FSD1L: variants seen among roughly 807,000 people sequenced by gnomAD.
FSD1L encodes fibronectin type III and SPRY domain containing 1 like, also known as FSD1-like protein.
FSD1L carries 45 observed loss-of-function variants against 71.6 expected under a neutral mutation model. That is an observed-to-expected ratio of 0.63 (90% confidence interval 0.49 to 0.81). FSD1L has a LOEUF of 0.81. FSD1L is among the 30% of genes least tolerant of loss of function. The probability of loss-of-function intolerance (pLI) is 0.00; values close to 1 mark genes in which losing one functional copy is unlikely to be tolerated. For synonymous variants in FSD1L, 197 were observed against 207.2 expected (o/e 0.95, Z 0.42); for missense variants, 561 against 618.1 (o/e 0.91, Z 0.98).
intron 10 of FSD1L, among the ~76,000 whole-genome samples, chr9:105,527,207 G>T (rs2131449184): frequency 7.0e-6 from 1 of 143,750 alleles, no homozygotes; most frequent in Admixed American, 7.1e-5. Context: ...TTTTTCTAAT[G>T]TTTTGCATTT....
chr9:105,523,134 A>G, intron 10 of FSD1L: 3 of 1,613,662 alleles, frequency 1.9e-6, no homozygotes, highest in South Asian at 2.2e-5. Flanking sequence ...TAGTCTAACT[A>G]CTCTTCATAT....
intron 1 of FSD1L, among the ~76,000 whole-genome samples, chr9:105,452,685 T>G (rs990650203): frequency 6.5e-4 from 91 of 139,614 alleles, no homozygotes; most frequent in African/African-American, 2.4e-3. Flanking sequence ...CTTCCTTCCT[T>G]CCTTCCTTCC....
chr9:105,477,103 A>G (rs1415457458), intron 5 of FSD1L, among the ~76,000 whole-genome samples: 1 of 152,200 alleles, frequency 6.6e-6, no homozygotes, highest in Non-Finnish European at 1.5e-5. Context: ...GCATGCATGC[A>G]TATGTGCACA....
intron 10 of FSD1L, chr9:105,521,407 G>A (rs1835144439): frequency 1.9e-6 from 3 of 1,614,158 alleles, no homozygotes; most frequent in Non-Finnish European, 2.5e-6. Context: ...AGTCTCTGTA[G>A]TATTGATGAA....
chr9:105,530,152 C>G (rs1299931331), intron 10 of FSD1L, among the ~76,000 whole-genome samples: 1 of 152,110 alleles, frequency 6.6e-6, no homozygotes, highest in Non-Finnish European at 1.5e-5. Flanking sequence ...TCAGAGTAAG[C>G]TTTATCTTGT....
chr9:105,522,481 C>T (rs1835233950), intron 10 of FSD1L: 2 of 1,613,726 alleles, frequency 1.2e-6, no homozygotes, highest in Non-Finnish European at 1.7e-6. Context: ...TCTCCAGGAA[C>T]CGAAAAGGCG....
At chr9:105,540,008 A>G (rs1369873966) in intron 13 of FSD1L, among the ~76,000 whole-genome samples, 3 of 152,090 alleles carry the variant, frequency 2.0e-5, no homozygotes, top group Admixed American at 6.6e-5. Context: ...GTATATACCT[A>G]TGATTGGGGT....
intron 4 of FSD1L, 33 bp from the exon 5 acceptor site, chr9:105,471,871 T>G: frequency 1.1e-6 from 1 of 919,090 alleles, no homozygotes; most frequent in Non-Finnish European, 1.6e-6. Context: ...AAACTTCATT[T>G]TAATGACTTA....
At chr9:105,481,176 T>TGTGTGTGTGTGTGTGTGG (rs1454412244) in intron 6 of FSD1L, among the ~76,000 whole-genome samples, 10 of 123,110 alleles carry the variant, frequency 8.1e-5, no homozygotes, top group East Asian at 5.1e-4. Context: ...TGTGTGTGTG[T>TGTGTGTGTGTGTGTGTGG]GTGGTTCTTT....
chr9:105,485,364 C>T (rs1832468588), intron 7 of FSD1L, among the ~76,000 whole-genome samples: 1 of 152,098 alleles, frequency 6.6e-6, no homozygotes, highest in African/African-American at 2.4e-5. Flanking sequence ...TAAGAACCTT[C>T]TTTCACAAGA....
chr9:105,489,498 G>GT (rs1832775717), intron 7 of FSD1L, among the ~76,000 whole-genome samples: 1 of 151,148 alleles, frequency 6.6e-6, no homozygotes, highest in African/African-American at 2.5e-5. Context: ...GCAGTTTTAT[G>GT]TTTTTTTATT....
intron 7 of FSD1L, among the ~76,000 whole-genome samples, chr9:105,490,989 G>C (rs1420888198): frequency 6.6e-6 from 1 of 150,886 alleles, no homozygotes; most frequent in Non-Finnish European, 1.5e-5. Context: ...GGCGATGTGG[G>C]CTCTTTTTTG....
intron 10 of FSD1L, chr9:105,522,437 C>T: frequency 1.2e-6 from 2 of 1,613,558 alleles, no homozygotes; most frequent in African/African-American, 2.7e-5. Flanking sequence ...CTGGCCAAGC[C>T]CCAATGAGAC....
chr9:105,458,157 G>T (rs1248080712), intron 1 of FSD1L, among the ~76,000 whole-genome samples: 1 of 152,184 alleles, frequency 6.6e-6, no homozygotes, highest in Non-Finnish European at 1.5e-5. Flanking sequence ...GCTGTCATGT[G>T]GGGCAGCCGC....
chr9:105,504,300 C>T (rs1317657838), intron 7 of FSD1L, among the ~76,000 whole-genome samples: 1 of 152,170 alleles, frequency 6.6e-6, no homozygotes. Flanking sequence ...GAAGGAAACT[C>T]ATGGTTATGA....
intron 7 of FSD1L, among the ~76,000 whole-genome samples, chr9:105,500,220 G>A (rs1448940975): frequency 6.6e-6 from 1 of 152,220 alleles, no homozygotes; most frequent in Non-Finnish European, 1.5e-5. Flanking sequence ...GACCAGACAT[G>A]TATTGGGTTA....
At chr9:105,522,397 C>A in intron 10 of FSD1L, 3 of 1,613,904 alleles carry the variant, frequency 1.9e-6, no homozygotes, top group Non-Finnish European at 2.5e-6. Context: ...GTTGACAAGT[C>A]ATTTTCTAGA....
chr9:105,463,180 G>A (rs1354467386), intron 2 of FSD1L, among the ~76,000 whole-genome samples: 4 of 151,760 alleles, frequency 2.6e-5, no homozygotes, highest in Non-Finnish European at 5.9e-5. Context: ...TCTCCCTTCA[G>A]ACTGTTTCCT....
chr9:105,514,087 A>G (rs535250432), intron 10 of FSD1L, among the ~76,000 whole-genome samples: 28 of 152,374 alleles, frequency 1.8e-4, no homozygotes, highest in African/African-American at 6.7e-4. Flanking sequence ...TGCTAAAATT[A>G]TCAAGACAGT....
Sources: gnomAD v4.1 joint callset for allele counts (sites outside exome capture counted in the v4.1 genomes callset) on GRCh38, gnomAD v4.1.1 for gene constraint, MANE v1.5 for transcripts, NCBI Gene and HGNC (gene_info 2026-07-23, HGNC 2026-07-21) for gene names.